CLIC4: variants seen among roughly 807,000 people sequenced by gnomAD.
CLIC4 encodes the protein chloride intracellular channel protein 4.
CLIC4 carries 13 observed loss-of-function variants against 24.6 expected under a neutral mutation model. The observed-to-expected ratio is 0.53, with a 90% CI of 0.34 to 0.84. CLIC4 has a LOEUF of 0.84. Among genes scored for constraint, CLIC4 ranks in the 40% least tolerant of loss-of-function variants. The pLI is 0.01. For synonymous variants in CLIC4, 104 were observed against 111.3 expected (o/e 0.93, Z 0.41); for missense variants, 227 against 301.7 (o/e 0.75, Z 1.83).
chr1:24,785,883 A>G lies in CLIC4; in HGVS notation c.73-11859A>G, dbSNP rs140093651. 2.1e-3 allele frequency among the ~76,000 whole-genome samples: 324 copies of G among 151,268 alleles called. 1 individual carries two copies. The highest frequency in any genetic ancestry group is 7.4e-3 in the African/African-American group (305 of 41,286). Reference sequence around the variant, plus strand: ...AAAAAAAAAAAAAAAAAAAGAAAAGAAAAAAAGAAAAACTGAAGAAATAGG... The same window carrying G: ...AAAAAAAAAAAAAAAAAAAGAAAAGGAAAAAAGAAAAACTGAAGAAATAGG... On this transcript the variant is annotated intron_variant, in intron 1 of 5. Coordinates refer to ENST00000374379, the MANE Select transcript of CLIC4 (RefSeq NM_013943.3).
intron 1 of CLIC4, among the ~76,000 whole-genome samples, chr1:24,778,583 T>C (rs1639168894): frequency 6.6e-6 from 1 of 152,202 alleles, no homozygotes; most frequent in Non-Finnish European, 1.5e-5. Context: ...CTAAAGAATA[T>C]GTCTTTGATG....
At chr1:24,776,966 A>C (rs1639149254) in intron 1 of CLIC4, among the ~76,000 whole-genome samples, 2 of 152,198 alleles carry the variant, frequency 1.3e-5, no homozygotes, top group Admixed American at 6.5e-5. Context: ...CAACATTCTG[A>C]ATATAAATTC....
intron 1 of CLIC4, among the ~76,000 whole-genome samples, chr1:24,772,170 A>C (rs569099257): frequency 3.3e-5 from 5 of 152,350 alleles, no homozygotes; most frequent in Non-Finnish European, 7.3e-5. Flanking sequence ...TTTATTTCCC[A>C]GGTGAGCTCC....
intron 1 of CLIC4, among the ~76,000 whole-genome samples, chr1:24,747,999 T>C (rs1638724798): frequency 6.9e-6 from 1 of 144,354 alleles, no homozygotes; most frequent in African/African-American, 2.6e-5. Flanking sequence ...CACTCCAGCC[T>C]GGGCGACAGA....
chr1:24,787,027 C>A (rs113427339), intron 1 of CLIC4, among the ~76,000 whole-genome samples: 153 of 152,104 alleles, frequency 1.0e-3, no homozygotes, highest in African/African-American at 3.5e-3. Flanking sequence ...CTCAAGTGAT[C>A]CTCCTGCTTC....
intron 4 of CLIC4, among the ~76,000 whole-genome samples, chr1:24,839,234 A>C (rs1384648608): frequency 6.6e-6 from 1 of 152,160 alleles, no homozygotes; most frequent in Non-Finnish European, 1.5e-5. Flanking sequence ...GCCTTTTCTC[A>C]TCCATTTTTC....
At chr1:24,800,532 C>T (rs1012636890) in intron 2 of CLIC4, among the ~76,000 whole-genome samples, 1 of 152,100 alleles carries the variant, frequency 6.6e-6, no homozygotes, top group Non-Finnish European at 1.5e-5. Flanking sequence ...GTGAGGAGCC[C>T]CTCTGCCTGG....
chr1:24,761,239 A>G (rs1278398951), intron 1 of CLIC4, among the ~76,000 whole-genome samples: 1 of 152,164 alleles, frequency 6.6e-6, no homozygotes. Flanking sequence ...ATTCAAATTT[A>G]TTAATACCTC....
intron 2 of CLIC4, among the ~76,000 whole-genome samples, chr1:24,802,642 C>G (rs1639503463): frequency 6.6e-6 from 1 of 151,916 alleles, no homozygotes; most frequent in Non-Finnish European, 1.5e-5. Flanking sequence ...TCATCAACTT[C>G]CCCTTCAGAG....
At chr1:24,798,201 T>C (rs1219387578) in intron 2 of CLIC4, among the ~76,000 whole-genome samples, 1 of 152,204 alleles carries the variant, frequency 6.6e-6, no homozygotes, top group Non-Finnish European at 1.5e-5. Flanking sequence ...TGGCCCCAAA[T>C]GTGTTAAGCA....
chr1:24,820,267 CTTT>C (rs372726009), intron 3 of CLIC4, among the ~76,000 whole-genome samples: 1 of 49,760 alleles, frequency 2.0e-5, no homozygotes, highest in African/African-American at 9.0e-5. Context: ...CCTTTTTGGT[CTTT>C]TTTTTTTTTT....
intron 3 of CLIC4, among the ~76,000 whole-genome samples, chr1:24,819,297 C>T (rs1557812003): frequency 6.6e-6 from 1 of 152,030 alleles, no homozygotes; most frequent in Non-Finnish European, 1.5e-5. Context: ...TTAAGAAAAC[C>T]ATGTCTTGAT....
At chr1:24,784,305 A>G (rs1639239577) in intron 1 of CLIC4, among the ~76,000 whole-genome samples, 1 of 152,196 alleles carries the variant, frequency 6.6e-6, no homozygotes, top group Non-Finnish European at 1.5e-5. Context: ...CAATGAGGTT[A>G]TTATTCCCAT....
chr1:24,748,507 T>TG (rs1638734875), intron 1 of CLIC4, among the ~76,000 whole-genome samples: 2 of 142,964 alleles, frequency 1.4e-5, no homozygotes, highest in South Asian at 2.3e-4. Flanking sequence ...TTGTTTTTTT[T>TG]TTTTTTTTTT....
Position 24,817,907 on chromosome 1 carries a change from A to G in CLIC4, c.308+3688A>G, listed in dbSNP as rs549306722. ...GGAAGGCCTGAGGAGAGGGAAAGAC[A>G]GGGGAACAGCAATCACTGGAGCAGT... is the stretch of plus-strand genomic sequence containing the variant. On this transcript the variant is annotated intron_variant, in intron 3 of 5. Coordinates refer to ENST00000374379, the MANE Select transcript of CLIC4 (RefSeq NM_013943.3). 1.3e-4 allele frequency among the ~76,000 whole-genome samples: 20 copies of G among 152,304 alleles called. 1 individual carries two copies. In the South Asian group the frequency reaches 4.1e-3, roughly 32 times the overall value.
chr1:24,836,961 A>G (rs891460301), intron 4 of CLIC4, among the ~76,000 whole-genome samples: 1 of 152,240 alleles, frequency 6.6e-6, no homozygotes, highest in Non-Finnish European at 1.5e-5. Context: ...GAATGTCTAC[A>G]TTTGTGAGAT....
chr1:24,761,650 G>T (rs551661070), intron 1 of CLIC4, among the ~76,000 whole-genome samples: 1 of 152,310 alleles, frequency 6.6e-6, no homozygotes, highest in South Asian at 2.1e-4. Flanking sequence ...TTCAGGATTA[G>T]AGTTGCATCT....
intron 1 of CLIC4, among the ~76,000 whole-genome samples, chr1:24,775,224 C>CTTTTTTTTTTTTTTTTTTTTT: frequency 1.1e-3 from 99 of 90,654 alleles, no homozygotes; most frequent in East Asian, 2.4e-3. Context: ...TTCTTTCTTT[C>CTTTTTTTTTTTTTTTTTTTTT]TTTTTTTTTT....
Position 24,844,141 on chromosome 1 carries a change from T to C in CLIC4, c.*3204T>C, listed in dbSNP as rs147516039. On this transcript the variant is annotated 3_prime_UTR_variant, in exon 6 of 6. Transcript: ENST00000374379. ...GAACAGAATTGGAGTATTTTCTTTATAATTTCTTGAACAGGCAAATGAAAG... is the reference window on the plus strand; with the variant it reads ...GAACAGAATTGGAGTATTTTCTTTACAATTTCTTGAACAGGCAAATGAAAG... 2 of 152,782 alleles carry C rather than the reference T, an allele frequency of 1.3e-5. No individual in the cohort carries two copies. Among genetic ancestry groups the C allele is most frequent in the African/African-American group, 4.8e-5 (2 of 41,596 alleles). The allele number at this position is 152,782 out of a possible 1,614,324, so 9.5% of individuals were successfully genotyped here.
Sources: gnomAD v4.1 joint callset for allele counts (sites outside exome capture counted in the v4.1 genomes callset) on GRCh38, gnomAD v4.1.1 for gene constraint, MANE v1.5 for transcripts, NCBI Gene and HGNC (gene_info 2026-07-23, HGNC 2026-07-21) for gene names.